Variants in HS3ST4 observed in about 807,000 individuals in gnomAD.
HS3ST4 encodes the protein heparan sulfate-glucosamine 3-sulfotransferase 4, also known as heparan sulfate glucosamine 3-O-sulfotransferase 4.
In HS3ST4, 17 loss-of-function variants were observed where a neutral mutation model predicts 29.2. That is an observed-to-expected ratio of 0.58 (90% CI 0.40 to 0.87). The LOEUF is 0.87. Among genes scored for constraint, HS3ST4 ranks in the 40% least tolerant of loss-of-function variants. The probability of loss-of-function intolerance (pLI) is 0.00; values close to 1 mark genes in which losing one functional copy is unlikely to be tolerated. For synonymous variants in HS3ST4, 314 were observed against 285.7 expected, an observed-to-expected ratio of 1.10 and a Z score of -1.00; for missense variants, 627 against 634.5, an observed-to-expected ratio of 0.99 and a Z score of 0.13.
intron 1 of HS3ST4, among the ~76,000 whole-genome samples, chr16:26,057,724 C>T (rs1567303417): frequency 6.6e-6 from 1 of 151,656 alleles, no homozygotes. Flanking sequence ...AGCCTGGTGA[C>T]AGAATGAGGC....
In HS3ST4 at chr16:25,872,593, C is replaced by T. The variant is rs548941337; in HGVS notation, c.734+179442C>T. ...CTCAGTGTCTAGCAGGCTTCATTAG[C>T]CTGAGTGTTCACAACAGTGGCTGTA... On this transcript the variant is annotated intron_variant, in intron 1 of 1. Coordinates refer to ENST00000331351, the MANE Select transcript of HS3ST4 (RefSeq NM_006040.3). Among the ~76,000 whole-genome samples the T allele has an allele frequency of 6.8e-5, 9 of 132,200 alleles. No individual in the cohort carries two copies. The South Asian group carries it at 2.5e-3, about 37-fold the overall frequency. The allele number at this position is 132,200 out of a possible 152,430, so 86.7% of individuals were successfully genotyped here.
intron 1 of HS3ST4, among the ~76,000 whole-genome samples, chr16:25,952,188 A>G (rs1968689397): frequency 6.6e-6 from 1 of 152,196 alleles, no homozygotes; most frequent in South Asian, 2.1e-4. Flanking sequence ...AAAGCTGGAA[A>G]GATTTATTGT....
chr16:26,103,102 C>A (rs751275419), intron 1 of HS3ST4, among the ~76,000 whole-genome samples: 1 of 152,058 alleles, frequency 6.6e-6, no homozygotes, highest in Non-Finnish European at 1.5e-5. Flanking sequence ...TGCAAGGGAG[C>A]CTGGGAAATA....
intron 1 of HS3ST4, chr16:26,062,837 G>T: frequency 3.4e-6 from 1 of 295,196 alleles, no homozygotes; most frequent in Non-Finnish European, 6.7e-6. Context: ...TGCATATTCT[G>T]GGAGAAGAAC....
intron 1 of HS3ST4, among the ~76,000 whole-genome samples, chr16:25,978,008 A>G (rs1968961369): frequency 6.6e-6 from 1 of 152,212 alleles, no homozygotes; most frequent in Non-Finnish European, 1.5e-5. Flanking sequence ...TCAAGCAAGT[A>G]TCATCACATT....
chr16:25,921,436 A>G (rs1354740720), intron 1 of HS3ST4, among the ~76,000 whole-genome samples: 2 of 152,238 alleles, frequency 1.3e-5, no homozygotes, highest in African/African-American at 4.8e-5. Context: ...ATTGGCCAAG[A>G]AATAAGCCAC....
intron 1 of HS3ST4, among the ~76,000 whole-genome samples, chr16:26,094,731 A>G (rs1280197537): frequency 1.3e-5 from 2 of 152,224 alleles, no homozygotes; most frequent in East Asian, 3.8e-4. Context: ...ACTAGCTAAC[A>G]TCATAATGAC....
intron 1 of HS3ST4, among the ~76,000 whole-genome samples, chr16:25,865,076 T>G (rs111540682): frequency 9.0e-4 from 137 of 152,220 alleles, no homozygotes; most frequent in African/African-American, 3.1e-3. Context: ...TGATTTCATA[T>G]CTTGGCTATT....
chr16:25,839,287 A>C (rs1156265819), intron 1 of HS3ST4, among the ~76,000 whole-genome samples: 1 of 152,216 alleles, frequency 6.6e-6, no homozygotes, highest in African/African-American at 2.4e-5. Flanking sequence ...CATCATGAAG[A>C]AAGCAAAGGA....
chr16:25,902,111 C>T (rs1446632419), intron 1 of HS3ST4, among the ~76,000 whole-genome samples: 1 of 152,142 alleles, frequency 6.6e-6, no homozygotes, highest in East Asian at 1.9e-4. Context: ...ATCTCCTACT[C>T]CTGCCCCCAA....
intron 1 of HS3ST4, among the ~76,000 whole-genome samples, chr16:25,768,221 T>A (rs1008482952): frequency 6.6e-6 from 1 of 152,204 alleles, no homozygotes; most frequent in Non-Finnish European, 1.5e-5. Flanking sequence ...AATGCATGTC[T>A]AAATCAATAT....
intron 1 of HS3ST4, among the ~76,000 whole-genome samples, chr16:25,826,721 C>T (rs945255037): frequency 6.6e-6 from 1 of 152,118 alleles, no homozygotes; most frequent in African/African-American, 2.4e-5. Context: ...GCAGTTGAAT[C>T]GTCAAGTTGG....
intron 1 of HS3ST4, among the ~76,000 whole-genome samples, chr16:25,960,732 C>A (rs543361602): frequency 4.6e-5 from 7 of 152,264 alleles, no homozygotes; most frequent in Non-Finnish European, 7.3e-5. Flanking sequence ...GTAATATTAG[C>A]AAAATGTAGA....
chr16:25,704,014 C>T (rs754183180), intron 1 of HS3ST4, among the ~76,000 whole-genome samples: 1 of 152,204 alleles, frequency 6.6e-6, no homozygotes, highest in Non-Finnish European at 1.5e-5. Context: ...GACCAGAAAT[C>T]GATCTTGTCC....
intron 1 of HS3ST4, among the ~76,000 whole-genome samples, chr16:25,871,005 A>G (rs1389024391): frequency 6.6e-6 from 1 of 152,254 alleles, no homozygotes; most frequent in Non-Finnish European, 1.5e-5. Flanking sequence ...GAGTAGCAAT[A>G]AGCAGAGGAA....
chr16:25,980,033 G>A (rs896341025), intron 1 of HS3ST4, among the ~76,000 whole-genome samples: 4 of 151,924 alleles, frequency 2.6e-5, no homozygotes, highest in African/African-American at 4.8e-5. Context: ...CACTACCTCC[G>A]TCCTGGTCTT....
intron 1 of HS3ST4, among the ~76,000 whole-genome samples, chr16:25,909,472 C>A (rs1968214677): frequency 6.6e-6 from 1 of 152,116 alleles, no homozygotes; most frequent in South Asian, 2.1e-4. Flanking sequence ...CCACCATGCC[C>A]CGATGAGATT....
intron 1 of HS3ST4, among the ~76,000 whole-genome samples, chr16:25,726,678 T>G (rs2141591905): frequency 6.6e-6 from 1 of 152,322 alleles, no homozygotes; most frequent in South Asian, 2.1e-4. Flanking sequence ...TTCTTTGAGT[T>G]GACTTAGAAT....
chr16:26,044,856 T>C (rs900327796), intron 1 of HS3ST4, among the ~76,000 whole-genome samples: 4 of 152,128 alleles, frequency 2.6e-5, no homozygotes, highest in Non-Finnish European at 4.4e-5. Flanking sequence ...TGATGGAAGC[T>C]GGGACCGAGA....
Sources: allele counts gnomAD v4.1 joint callset (sites outside exome capture counted in the v4.1 genomes callset), GRCh38; gene constraint gnomAD v4.1.1; transcripts MANE v1.5; gene names NCBI Gene and HGNC (gene_info 2026-07-23, HGNC 2026-07-21).